Variants in PAXBP1 observed in about 807,000 individuals in gnomAD.
PAXBP1 encodes the protein PAX3- and PAX7-binding protein 1.
Under a neutral mutation model 119.9 loss-of-function variants are expected in PAXBP1, and 44 were observed. The ratio of observed to expected loss-of-function variants is 0.37; its 90% CI spans 0.29 to 0.47. The LOEUF (loss-of-function observed/expected upper bound fraction) is 0.47, where lower values mean the gene tolerates loss of function less well. Among genes scored for constraint, PAXBP1 ranks in the 20% least tolerant of loss-of-function variants. PAXBP1 has a pLI of 0.99. For missense variants in PAXBP1, 898 were observed against 1,134.1 expected, an observed-to-expected ratio of 0.79 and a Z score of 2.99; for synonymous variants, 393 against 406.6, an observed-to-expected ratio of 0.97 and a Z score of 0.40.
At chr21:32,737,535 C>T (rs1388517718) in intron 16 of PAXBP1, 127 bp from the exon 17 acceptor site, 3 of 718,244 alleles carry the variant, frequency 4.2e-6, no homozygotes, top group East Asian at 5.9e-5. Flanking sequence ...ACAGCAATTA[C>T]TCTGAAGAAA....
At chr21:32,741,440 TGTTTAG>T in intron 15 of PAXBP1, 1 of 595,914 alleles carries the variant, frequency 1.7e-6, no homozygotes, top group Non-Finnish European at 3.1e-6. Flanking sequence ...TTGTCTACTA[TGTTTAG>T]GTTTAACGAA....
In PAXBP1 at chr21:32,764,491, T is replaced by C. The variant is rs1356489763; in HGVS notation, c.506A>G (p.Lys169Arg). 6.2e-7 allele frequency: 1 copy of C among 1,613,266 alleles called. No individual in the cohort carries two copies. Residue 169 changes from lysine to arginine, a missense_variant, in exon 3 of 18, where the codon AAG (lysine) becomes AGG (arginine). This residue lies in a region of PAXBP1 where 299 missense variants were observed against 281.4 expected (regional missense o/e 1.06). Coordinates refer to ENST00000331923, the MANE Select transcript of PAXBP1 (RefSeq NM_016631.4). ...EQPLDKTGHV[K>R]DTNQEDGVII... Reference sequence around the variant, plus strand: ...AACTCCATCTTCTTGATTTGTATCCTTAACATGTCCTGTTTTGTCCAAAGG... The same window carrying C: ...AACTCCATCTTCTTGATTTGTATCCCTAACATGTCCTGTTTTGTCCAAAGG...
At chr21:32,769,991 AT>A in intron 1 of PAXBP1, 49 bp from the exon 2 acceptor site, 1 of 1,390,170 alleles carries the variant, frequency 7.2e-7, no homozygotes. Flanking sequence ...TTCTGAAAAT[AT>A]TTTCCCTTCT....
intron 10 of PAXBP1, among the ~76,000 whole-genome samples, chr21:32,749,253 G>A (rs2043922231): frequency 6.6e-6 from 1 of 151,164 alleles, no homozygotes; most frequent in South Asian, 2.1e-4. Context: ...GGAGTGAAGT[G>A]GTGCGATCTC....
chr21:32,737,036 C>T (rs2043702837), intron 17 of PAXBP1, among the ~76,000 whole-genome samples: 2 of 152,150 alleles, frequency 1.3e-5, no homozygotes, highest in African/African-American at 4.8e-5. Flanking sequence ...GAGGGTTGGT[C>T]CTTACCAGAA....
At chr21:32,753,663 C>T (rs975117476) in intron 8 of PAXBP1, among the ~76,000 whole-genome samples, 7 of 152,198 alleles carry the variant, frequency 4.6e-5, no homozygotes, top group African/African-American at 1.7e-4. Context: ...GATTCTCCAG[C>T]ATCCCATGTC....
chr21:32,748,751 A>G, intron 10 of PAXBP1, 53 bp from the exon 11 acceptor site: 1 of 1,474,432 alleles, frequency 6.8e-7, no homozygotes. Context: ...AAGTAGGAAA[A>G]AAACAGTCCA....
intron 10 of PAXBP1, among the ~76,000 whole-genome samples, chr21:32,749,702 C>T (rs558672253): frequency 1.3e-5 from 2 of 151,902 alleles, no homozygotes; most frequent in South Asian, 2.1e-4. Flanking sequence ...AAAAGTTTAA[C>T]TTAAATCTAA....
At chr21:32,758,595 G>C (rs1224619214) in intron 7 of PAXBP1, among the ~76,000 whole-genome samples, 1 of 145,574 alleles carries the variant, frequency 6.9e-6, no homozygotes, top group African/African-American at 2.5e-5. Context: ...TCAAGCATAG[G>C]CTTACTTAGA....
chr21:32,737,404 A>G lies in PAXBP1; in HGVS notation c.2486T>C (p.Ile829Thr), dbSNP rs2146463794. The G allele has an allele frequency of 6.3e-7, 1 of 1,598,286 alleles. No homozygotes were observed. The highest frequency in any genetic ancestry group is 1.1e-5 in the South Asian group (1 of 88,600). ...GAACCATTGTTTGGGGAAACAATTG[A>G]TTACCTGTGGAGAAGAAAGACGTAA... ...DDSIKKAQNV[I>T]NCFPKQWFMN... The change falls in exon 17 of 18, where the codon ATC (isoleucine) becomes ACC (threonine). Residue 829 changes from isoleucine to threonine, a missense_variant. By Grantham distance (89) the Ile-to-Thr change is moderately conservative (BLOSUM62 -1). This residue lies in a region of PAXBP1 where 599 missense variants were observed against 852.7 expected (regional missense o/e 0.70). Transcript: ENST00000331923.
chr21:32,764,399 T>C lies in PAXBP1; in HGVS notation c.598A>G (p.Thr200Ala). 1.2e-6 allele frequency: 2 copies of C among 1,613,872 alleles called. No individual in the cohort carries two copies. Among genetic ancestry groups the C allele is most frequent in the Non-Finnish European group, 1.7e-6 (2 of 1,179,900 alleles). ...ESEKEEEKPK[T>A]GGAFSNALSS... ...AAAGCATTTGAAAAAGCTCCACCAG[T>C]CTTTGGCTTTTCTTCCTCTTTTTCA... is the stretch of plus-strand genomic sequence containing the variant. The change falls in exon 3 of 18, where the codon ACT becomes GCT. Residue 200 changes from threonine (T) to alanine (A), a missense_variant. Physicochemically the swap from Thr to Ala is moderately conservative, Grantham distance 58. Around this residue, in one of 2 missense-constraint regions of PAXBP1, gnomAD observed 299 missense variants for 281.4 expected, o/e 1.06. Transcript: ENST00000331923.
At chr21:32,767,348 G>A (rs1420664822) in intron 2 of PAXBP1, among the ~76,000 whole-genome samples, 7 of 152,062 alleles carry the variant, frequency 4.6e-5, no homozygotes, top group Non-Finnish European at 7.4e-5. Flanking sequence ...ATCAGACTCC[G>A]CCTTCAGAGG....
At chr21:32,736,963 T>C (rs545442579) in intron 17 of PAXBP1, among the ~76,000 whole-genome samples, 1 of 151,880 alleles carries the variant, frequency 6.6e-6, no homozygotes, top group African/African-American at 2.4e-5. Flanking sequence ...AACAAGAGAG[T>C]CTGAGACCTC....
chr21:32,755,078 G>T, intron 8 of PAXBP1, 152 bp downstream of exon 8: 1 of 880,478 alleles, frequency 1.1e-6, no homozygotes. Flanking sequence ...AGTACATGCT[G>T]TTACCATTTT....
intron 15 of PAXBP1, 51 bp downstream of exon 15, chr21:32,743,197 A>G (rs777929330): frequency 2.2e-6 from 3 of 1,335,714 alleles, no homozygotes; most frequent in Non-Finnish European, 2.1e-6. Context: ...AAAATGTAAT[A>G]TATGAAGTCA....
At chr21:32,742,827 T>A in intron 15 of PAXBP1, 1 of 329,356 alleles carries the variant, frequency 3.0e-6, no homozygotes, top group Admixed American at 4.2e-5. Context: ...GTTAATCTCT[T>A]ACTGTGCCTA....
intron 7 of PAXBP1, 49 bp from the exon 8 acceptor site, chr21:32,755,402 T>C (rs761690981): frequency 1.1e-5 from 17 of 1,590,900 alleles, no homozygotes; most frequent in Non-Finnish European, 1.5e-5. Context: ...CAGCTGCTTA[T>C]TTATTTGAGG....
intron 12 of PAXBP1, 35 bp downstream of exon 12, chr21:32,745,539 G>C: frequency 6.2e-7 from 1 of 1,609,222 alleles, no homozygotes; most frequent in Non-Finnish European, 8.5e-7. Flanking sequence ...AAGCCAGTGT[G>C]TCTGAATGCT....
At chr21:32,748,351 AT>A in intron 11 of PAXBP1, 147 bp downstream of exon 11, 1 of 630,134 alleles carries the variant, frequency 1.6e-6, no homozygotes, top group East Asian at 3.0e-5. Context: ...AGATCATAAG[AT>A]TATAACCAGA....
Sources: gnomAD v4.1 joint callset for allele counts (sites outside exome capture counted in the v4.1 genomes callset) on GRCh38, gnomAD v4.1.1 for gene constraint, gnomAD v4.1.1 regional missense constraint, MANE v1.5 for transcripts, NCBI Gene and HGNC (gene_info 2026-07-23, HGNC 2026-07-21) for gene names.